Variants in FMN2 observed in about 807,000 individuals in gnomAD.
FMN2 encodes formin 2.
A neutral mutation model predicts 142.3 loss-of-function variants in FMN2; 51 were observed. The ratio of observed to expected loss-of-function variants is 0.36; its 90% CI spans 0.29 to 0.45. The LOEUF (loss-of-function observed/expected upper bound fraction) is 0.45. FMN2 is among the 20% of genes least tolerant of loss of function. The pLI is 1.00. For missense variants in FMN2, 1,936 were observed against 2,122.8 expected (o/e 0.91, Z 1.73); for synonymous variants, 882 against 869.8 (o/e 1.01, Z -0.25).
rs59902639 is a variant in FMN2, at chr1:240,252,953, C to CTTTTTTTTTTT, written c.4066-4985_4066-4975dup. On this transcript the variant is annotated intron_variant, in intron 6 of 17. Transcript: ENST00000319653. ...CCCATGTGTGATGTAGTCTTGTTCA[C>CTTTTTTTTTTT]TTTTTTTTTTTTTTTTTGGAGACAG... 4.6e-3 allele frequency among the ~76,000 whole-genome samples: 298 copies of CTTTTTTTTTTT among 65,310 alleles called. 37 individuals are homozygous for CTTTTTTTTTTT. The highest frequency in any genetic ancestry group is 6.7e-3 in the Admixed American group (28 of 4,168). The allele number at this position is 65,310 out of a possible 152,430, so 42.8% of individuals were successfully genotyped here. A position where few individuals can be genotyped will look rare whatever the true frequency, so the allele number is the denominator to read the frequency against.
intron 7 of FMN2, among the ~76,000 whole-genome samples, chr1:240,275,354 C>T (rs1385230690): frequency 2.0e-5 from 3 of 151,694 alleles, no homozygotes; most frequent in Admixed American, 2.0e-4. Flanking sequence ...GTTTTCTGTT[C>T]CTGTGGTAGT....
chr1:240,106,365 C>G (rs1661608771), intron 1 of FMN2, among the ~76,000 whole-genome samples: 2 of 152,174 alleles, frequency 1.3e-5, no homozygotes, highest in South Asian at 4.1e-4. Context: ...ATTTCTAGCT[C>G]AGATCTCTCT....
At chr1:240,143,996 G>A in intron 2 of FMN2, 1 of 1,253,708 alleles carries the variant, frequency 8.0e-7, no homozygotes, top group East Asian at 2.3e-5. Flanking sequence ...TCCCAGAGCA[G>A]GGACACACTC....
At chr1:240,195,853 A>G (rs1476105844) in intron 4 of FMN2, among the ~76,000 whole-genome samples, 2 of 152,090 alleles carry the variant, frequency 1.3e-5, no homozygotes, top group African/African-American at 4.8e-5. Context: ...CCCTGTCTCT[A>G]CCAATAATAA....
At chr1:240,299,421 A>T (rs1398670342) in intron 8 of FMN2, among the ~76,000 whole-genome samples, 1 of 152,170 alleles carries the variant, frequency 6.6e-6, no homozygotes, top group Non-Finnish European at 1.5e-5. Context: ...TGCTTTTTTT[A>T]AACATCAGTA....
At chr1:240,382,082 A>G (rs1673244091) in intron 14 of FMN2, among the ~76,000 whole-genome samples, 1 of 152,194 alleles carries the variant, frequency 6.6e-6, no homozygotes, top group Non-Finnish European at 1.5e-5. Flanking sequence ...AACCCTAAAG[A>G]TCCCTCCAAA....
chr1:240,159,975 A>ATATACACACACC, intron 2 of FMN2, among the ~76,000 whole-genome samples: 1 of 90,138 alleles, frequency 1.1e-5, no homozygotes, highest in African/African-American at 5.6e-5. Flanking sequence ...ATATATATAT[A>ATATACACACACC]CACACACACA....
intron 13 of FMN2, among the ~76,000 whole-genome samples, chr1:240,350,469 G>T (rs1320533491): frequency 6.6e-6 from 1 of 152,158 alleles, no homozygotes; most frequent in Non-Finnish European, 1.5e-5. Context: ...ATAGCCCTTG[G>T]CTTCAAGGAA....
chr1:240,181,529 G>A (rs1246441572), intron 3 of FMN2, among the ~76,000 whole-genome samples: 1 of 152,166 alleles, frequency 6.6e-6, no homozygotes, highest in Non-Finnish European at 1.5e-5. Context: ...TGAGGCCATG[G>A]TGAGGTCTTG....
chr1:240,229,762 TC>T (rs1424005043), intron 6 of FMN2, among the ~76,000 whole-genome samples: 1 of 75,290 alleles, frequency 1.3e-5, no homozygotes, highest in African/African-American at 7.9e-5. Context: ...TTCTCCTGCC[TC>T]AGCCTCCTGG....
intron 6 of FMN2, among the ~76,000 whole-genome samples, chr1:240,238,291 T>C (rs1193289297): frequency 6.6e-6 from 1 of 152,238 alleles, no homozygotes; most frequent in East Asian, 1.9e-4. Context: ...ATCTATTAGA[T>C]ATTCAATAGA....
intron 8 of FMN2, among the ~76,000 whole-genome samples, chr1:240,302,160 T>A (rs1320577427): frequency 6.6e-6 from 1 of 152,088 alleles, no homozygotes; most frequent in Non-Finnish European, 1.5e-5. Flanking sequence ...AAACATTTTA[T>A]TTCTAATGCT....
At chr1:240,185,618 C>T (rs764779025) in intron 3 of FMN2, among the ~76,000 whole-genome samples, 1 of 152,218 alleles carries the variant, frequency 6.6e-6, no homozygotes, top group Non-Finnish European at 1.5e-5. Context: ...TTGTTCTTTA[C>T]CATCAGAGCC....
At chr1:240,188,802 A>G (rs181992559) in intron 4 of FMN2, among the ~76,000 whole-genome samples, 330 of 152,338 alleles carry the variant, frequency 2.2e-3, no homozygotes, top group Non-Finnish European at 3.0e-3. Context: ...AAAGAGGCTT[A>G]TTGGACTTAC....
At chr1:240,148,367 CAGAG>C (rs570524534) in intron 2 of FMN2, among the ~76,000 whole-genome samples, 2,429 of 92,252 alleles carry the variant, frequency 0.026, 59 homozygotes, top group African/African-American at 0.093. Context: ...GAGACAGAGA[CAGAG>C]AGAGAGAGAG....
At chr1:240,334,038 A>T in intron 12 of FMN2, 71 bp from the exon 13 acceptor site, 1 of 1,570,556 alleles carries the variant, frequency 6.4e-7, no homozygotes, top group Non-Finnish European at 8.6e-7. Flanking sequence ...TGTTTTGGAC[A>T]TACCTGCTAT....
chr1:240,463,105 C>G (rs569960031), intron 16 of FMN2, among the ~76,000 whole-genome samples: 2 of 152,252 alleles, frequency 1.3e-5, no homozygotes, highest in East Asian at 3.9e-4. Flanking sequence ...GAACTTTAAA[C>G]AATTTTTGCT....
At chr1:240,437,989 G>C in intron 15 of FMN2, 72 bp from the exon 16 acceptor site, 1 of 1,527,476 alleles carries the variant, frequency 6.5e-7, no homozygotes, top group South Asian at 1.3e-5. Context: ...TCAGCATTTG[G>C]ATAGAGAAAG....
chr1:240,106,531 T>A (rs936664415), intron 1 of FMN2, among the ~76,000 whole-genome samples: 1 of 152,210 alleles, frequency 6.6e-6, no homozygotes, highest in Admixed American at 6.5e-5. Flanking sequence ...CAAAGCTCTT[T>A]ACCCAGTTTC....
Sources: gnomAD v4.1 joint callset for allele counts (sites outside exome capture counted in the v4.1 genomes callset) on GRCh38, gnomAD v4.1.1 for gene constraint, MANE v1.5 for transcripts, NCBI Gene and HGNC (gene_info 2026-07-23, HGNC 2026-07-21) for gene names.